CSMD1: variants seen among roughly 807,000 people sequenced by gnomAD.
CSMD1 encodes the protein CUB and sushi domain-containing protein 1.
CSMD1 carries 213 observed loss-of-function variants against 417.5 expected under a neutral mutation model. The observed-to-expected ratio is 0.51, with a 90% CI of 0.46 to 0.57. The LOEUF (loss-of-function observed/expected upper bound fraction) is 0.57. Ranked by LOEUF, CSMD1 falls within the 20% of genes least tolerant of loss-of-function variation. The pLI is 0.00. For synonymous variants in CSMD1, 2,862 were observed against 1,736.8 expected (o/e 1.65, Z -16.11); for missense variants, 6,923 against 4,529.7 (o/e 1.53, Z -15.17).
chr8:4,534,866 C>T (rs984559788), intron 2 of CSMD1, among the ~76,000 whole-genome samples: 3 of 152,084 alleles, frequency 2.0e-5, no homozygotes, highest in South Asian at 4.1e-4. Flanking sequence ...GGGTTCATGT[C>T]ACTCTCCTGC....
At chr8:2,997,694 A>T (rs1807028219) in intron 54 of CSMD1, among the ~76,000 whole-genome samples, 1 of 152,268 alleles carries the variant, frequency 6.6e-6, no homozygotes, top group African/African-American at 2.4e-5. Context: ...AATTAGAAGC[A>T]TAATGGCCCC....
intron 26 of CSMD1, among the ~76,000 whole-genome samples, chr8:3,251,317 G>A (rs1360875097): frequency 2.0e-5 from 3 of 152,140 alleles, no homozygotes; most frequent in Non-Finnish European, 1.5e-5. Flanking sequence ...TTATTAAATA[G>A]GGAATCCTTT....
chr8:2,972,199 A>G (rs1349208830), intron 57 of CSMD1, among the ~76,000 whole-genome samples: 1 of 152,146 alleles, frequency 6.6e-6, no homozygotes, highest in East Asian at 1.9e-4. Flanking sequence ...TGTATAATAC[A>G]ATAAAGGCAG....
At chr8:3,473,736 G>C (rs1368261737) in intron 11 of CSMD1, among the ~76,000 whole-genome samples, 1 of 152,112 alleles carries the variant, frequency 6.6e-6, no homozygotes, top group Non-Finnish European at 1.5e-5. Flanking sequence ...TCCTAGCAGG[G>C]GTGGTGTCTG....
intron 3 of CSMD1, among the ~76,000 whole-genome samples, chr8:4,319,093 T>C (rs567919466): frequency 2.6e-5 from 4 of 152,134 alleles, no homozygotes; most frequent in Admixed American, 6.5e-5. Flanking sequence ...CACATATACA[T>C]GCACATAGTA....
At chr8:3,410,198 G>A (rs549832129) in intron 12 of CSMD1, among the ~76,000 whole-genome samples, 65 of 152,124 alleles carry the variant, frequency 4.3e-4, no homozygotes, top group Non-Finnish European at 7.4e-4. Flanking sequence ...TATTTCAAAT[G>A]TTGATCTGTC....
intron 5 of CSMD1, among the ~76,000 whole-genome samples, chr8:3,766,291 C>A (rs971030978): frequency 6.6e-6 from 1 of 152,114 alleles, no homozygotes; most frequent in Non-Finnish European, 1.5e-5. Context: ...GTGGGAGGAC[C>A]CTCCACGGGT....
intron 1 of CSMD1, among the ~76,000 whole-genome samples, chr8:4,804,928 G>A (rs1035521803): frequency 6.6e-6 from 1 of 152,068 alleles, no homozygotes; most frequent in Non-Finnish European, 1.5e-5. Flanking sequence ...AACACTTAAA[G>A]CGGTTTACTT....
chr8:3,269,854 C>T (rs1163145127), intron 26 of CSMD1, among the ~76,000 whole-genome samples: 1 of 152,052 alleles, frequency 6.6e-6, no homozygotes, highest in South Asian at 2.1e-4. Context: ...GACAGTGGAC[C>T]TTTAATGGGG....
intron 1 of CSMD1, among the ~76,000 whole-genome samples, chr8:4,723,801 C>CAAAA (rs1160845027): frequency 1.0e-5 from 1 of 98,040 alleles, no homozygotes; most frequent in African/African-American, 3.8e-5. Flanking sequence ...AAAAAAAAAA[C>CAAAA]AAAAAAAAAA....
intron 3 of CSMD1, among the ~76,000 whole-genome samples, chr8:4,215,424 G>C (rs939342442): frequency 1.3e-5 from 2 of 152,034 alleles, no homozygotes; most frequent in Non-Finnish European, 1.5e-5. Flanking sequence ...TGAATCATTA[G>C]TAACACAAAA....
chr8:4,806,502 C>T (rs1236248791), intron 1 of CSMD1, among the ~76,000 whole-genome samples: 1 of 152,226 alleles, frequency 6.6e-6, no homozygotes, highest in Non-Finnish European at 1.5e-5. Flanking sequence ...ACATTGCATT[C>T]ACTTCTTTCC....
At chr8:4,634,160 G>A (rs143528710) in intron 2 of CSMD1, among the ~76,000 whole-genome samples, 25 of 152,172 alleles carry the variant, frequency 1.6e-4, no homozygotes, top group African/African-American at 4.1e-4. Flanking sequence ...ATTGATGGGT[G>A]CCCAAATCAT....
intron 10 of CSMD1, among the ~76,000 whole-genome samples, chr8:3,554,018 A>G (rs912991038): frequency 3.3e-5 from 5 of 152,116 alleles, no homozygotes; most frequent in Non-Finnish European, 7.4e-5. Flanking sequence ...TTATTTTTCA[A>G]AAAAAATAAG....
At chr8:4,433,441 AG>A (rs1463189712) in intron 2 of CSMD1, among the ~76,000 whole-genome samples, 2 of 152,168 alleles carry the variant, frequency 1.3e-5, no homozygotes, top group African/African-American at 4.8e-5. Flanking sequence ...GGCACATTAA[AG>A]GCAATTCCCT....
chr8:3,294,800 G>C (rs1485061720), intron 25 of CSMD1, among the ~76,000 whole-genome samples: 3 of 152,022 alleles, frequency 2.0e-5, no homozygotes, highest in Non-Finnish European at 4.4e-5. Flanking sequence ...CCCCTGCTTT[G>C]GCTCCCGCTT....
At chr8:4,180,158 C>G (rs1327279539) in intron 3 of CSMD1, among the ~76,000 whole-genome samples, 1 of 152,068 alleles carries the variant, frequency 6.6e-6, no homozygotes, top group Non-Finnish European at 1.5e-5. Flanking sequence ...TTCACGACAG[C>G]AAAGACTTGG....
At chr8:3,352,840 C>G (rs1002504281) in intron 21 of CSMD1, among the ~76,000 whole-genome samples, 9 of 151,958 alleles carry the variant, frequency 5.9e-5, no homozygotes, top group African/African-American at 2.2e-4. Context: ...AACTCTGTCT[C>G]AAAAAACAAA....
At chr8:4,356,324 T>C (rs1283413099) in intron 3 of CSMD1, among the ~76,000 whole-genome samples, 1 of 113,414 alleles carries the variant, frequency 8.8e-6, no homozygotes, top group Non-Finnish European at 1.8e-5. Flanking sequence ...ATTCATCATA[T>C]GTAATACACA....
Sources: allele counts gnomAD v4.1 joint callset (sites outside exome capture counted in the v4.1 genomes callset), GRCh38; gene constraint gnomAD v4.1.1; transcripts MANE v1.5; gene names NCBI Gene and HGNC (gene_info 2026-07-23, HGNC 2026-07-21).